Variants in FBXW11 observed in about 807,000 individuals in gnomAD.
FBXW11 encodes the protein F-box/WD repeat-containing protein 11.
Under a neutral mutation model 77.6 loss-of-function variants are expected in FBXW11, and 19 were observed. That is an observed-to-expected ratio of 0.24 (90% CI 0.17 to 0.36). FBXW11 has a LOEUF of 0.36. Among genes scored for constraint, FBXW11 ranks in the 10% least tolerant of loss-of-function variants. The pLI is 1.00. For synonymous variants in FBXW11, 235 were observed against 249.4 expected (o/e 0.94, Z 0.54); for missense variants, 334 against 704.2 (o/e 0.47, Z 5.95).
At chr5:172,003,152 T>C (rs1002813218) in intron 1 of FBXW11, 2 of 152,194 alleles carry the variant, frequency 1.3e-5, no homozygotes, top group Admixed American at 6.5e-5. Flanking sequence ...ATCCATTAAT[T>C]GTGTAAAGGG....
chr5:171,940,446 G>A (rs1419985693), intron 2 of FBXW11, among the ~76,000 whole-genome samples: 2 of 152,082 alleles, frequency 1.3e-5, no homozygotes, highest in Admixed American at 1.3e-4. Flanking sequence ...TTGCCACCCA[G>A]ATCTAATACC....
intron 6 of FBXW11, among the ~76,000 whole-genome samples, chr5:171,898,379 GTCTT>G (rs954190139): frequency 3.5e-4 from 54 of 152,318 alleles, no homozygotes; most frequent in African/African-American, 1.3e-3. Flanking sequence ...GCCTGTGCAT[GTCTT>G]TCCTGGTTCA....
intron 5 of FBXW11, among the ~76,000 whole-genome samples, chr5:171,899,484 C>T (rs1759970962): frequency 6.6e-6 from 1 of 152,210 alleles, no homozygotes; most frequent in Non-Finnish European, 1.5e-5. Flanking sequence ...ATACAGCATA[C>T]AGCTAGCTAT....
At position 172,006,585 on chromosome 5, in the gene FBXW11, G is replaced by A. The variant is rs1766795786; in HGVS notation, c.-83C>T. 4 of 1,403,628 alleles carry A rather than the reference G, an allele frequency of 2.8e-6. No individual in the cohort carries two copies. The highest frequency in any genetic ancestry group is 3.2e-5 in the Admixed American group (1 of 31,336). The allele number at this position is 1,403,628 out of a possible 1,614,324, so 86.9% of individuals were successfully genotyped here. ...AGGAGGCGACGGCGGAGGCGGCAGA[G>A]GCGGAGGCGGCTATCGCACCCACTC... is the stretch of plus-strand genomic sequence containing the variant. On this transcript the variant is annotated 5_prime_UTR_variant, in exon 1 of 14. Transcript: ENST00000517395.
At chr5:172,003,859 T>C (rs1766565773) in intron 1 of FBXW11, among the ~76,000 whole-genome samples, 1 of 152,222 alleles carries the variant, frequency 6.6e-6, no homozygotes, top group Non-Finnish European at 1.5e-5. Flanking sequence ...CCAAGAAGTC[T>C]GTTTCCTCTT....
intron 1 of FBXW11, among the ~76,000 whole-genome samples, chr5:171,998,419 C>T (rs1766199845): frequency 6.7e-6 from 1 of 148,722 alleles, no homozygotes; most frequent in African/African-American, 2.5e-5. Context: ...AAGCGATCTG[C>T]CTACCTTGGC....
At chr5:171,994,810 G>C (rs1765939807) in intron 1 of FBXW11, among the ~76,000 whole-genome samples, 1 of 152,042 alleles carries the variant, frequency 6.6e-6, no homozygotes, top group Non-Finnish European at 1.5e-5. Flanking sequence ...GGCCGAGTCA[G>C]GCAGATTACT....
At chr5:171,914,253 G>T in intron 3 of FBXW11, 90 bp downstream of exon 3, 1 of 1,071,958 alleles carries the variant, frequency 9.3e-7, no homozygotes, top group Non-Finnish European at 1.3e-6. Context: ...CAAAATGCTT[G>T]GCTCTTGATT....
rs1038632081 is a variant in FBXW11 at position 172,006,386 on chromosome 5, G to C, written c.45+72C>G. On this transcript the variant is annotated intron_variant, in intron 1 of 13. Transcript: ENST00000517395. The stretch of plus-strand genomic sequence containing the variant: ...AAGGGCCAGAGCCGGCCTCGCACCG[G>C]ACGTTGAGGTGGGCAGGCCCGCCCG... 108 of 1,364,280 alleles carry C rather than the reference G, an allele frequency of 7.9e-5. 1 individual carries two copies. The East Asian group carries it at 2.9e-3, about 36-fold the overall frequency. The allele number at this position is 1,364,280 out of a possible 1,614,324, so 84.5% of individuals were successfully genotyped here. A position where few individuals can be genotyped will look rare whatever the true frequency, so the allele number is the denominator to read the frequency against.
rs566267125 is a variant in FBXW11, at chr5:171,886,873, G to A, written c.852+4594C>T. Among the ~76,000 whole-genome samples, 41 of 152,194 alleles carry A rather than the reference G, an allele frequency of 2.7e-4. 1 individual carries two copies. In the South Asian group the frequency reaches 8.5e-3, roughly 32 times the overall value. On this transcript the variant is annotated intron_variant, in intron 7 of 13. Coordinates refer to ENST00000517395, the MANE Select transcript of FBXW11 (RefSeq NM_001378974.1). Reference sequence around the variant, plus strand: ...TACTAAAAACACAAAAAATTAGCCAGGCCTGGTGGCAGGCACCTGTAGTCC... The same window carrying A: ...TACTAAAAACACAAAAAATTAGCCAAGCCTGGTGGCAGGCACCTGTAGTCC...
At chr5:171,948,766 T>C (rs947851437) in intron 2 of FBXW11, among the ~76,000 whole-genome samples, 4 of 152,230 alleles carry the variant, frequency 2.6e-5, no homozygotes, top group African/African-American at 9.6e-5. Context: ...TAATGTGTTC[T>C]GAATTCCATT....
At chr5:171,953,806 G>A (rs1763478603) in intron 2 of FBXW11, among the ~76,000 whole-genome samples, 1 of 151,964 alleles carries the variant, frequency 6.6e-6, no homozygotes, top group South Asian at 2.1e-4. Flanking sequence ...CCAAAGCCAG[G>A]GTTCTTTCTA....
At chr5:171,965,522 G>A (rs1764136054) in intron 1 of FBXW11, among the ~76,000 whole-genome samples, 1 of 141,746 alleles carries the variant, frequency 7.1e-6, no homozygotes, top group African/African-American at 2.7e-5. Context: ...TGAGACTCTT[G>A]TCTTTAAAAA....
At chr5:172,006,377 C>A in intron 1 of FBXW11, 81 bp downstream of exon 1, 2 of 1,305,954 alleles carry the variant, frequency 1.5e-6, no homozygotes, top group Non-Finnish European at 2.1e-6. Context: ...CAGAGCCGGC[C>A]TCGCACCGGA....
intron 2 of FBXW11, among the ~76,000 whole-genome samples, chr5:171,944,708 C>A (rs1762923033): frequency 6.6e-6 from 1 of 151,280 alleles, no homozygotes; most frequent in African/African-American, 2.4e-5. Context: ...ATTAATTTTA[C>A]AATCAAAAGA....
intron 6 of FBXW11, among the ~76,000 whole-genome samples, chr5:171,893,660 C>A (rs963959470): frequency 9.9e-5 from 15 of 152,146 alleles, no homozygotes; most frequent in African/African-American, 3.6e-4. Context: ...GGCAGATGTA[C>A]TGGTAACAAG....
chr5:171,968,533 C>G (rs1764353028), intron 1 of FBXW11, among the ~76,000 whole-genome samples: 1 of 151,900 alleles, frequency 6.6e-6, no homozygotes, highest in Admixed American at 6.6e-5. Context: ...ATGCTTCTGG[C>G]TTCTAGATAG....
At chr5:171,997,461 G>C (rs1180466690) in intron 1 of FBXW11, among the ~76,000 whole-genome samples, 2 of 152,210 alleles carry the variant, frequency 1.3e-5, no homozygotes, top group Admixed American at 1.3e-4. Context: ...TGATACGAGA[G>C]GGCTCAAATA....
chr5:171,862,410 T>C lies in FBXW11; in HGVS notation c.*1717A>G, dbSNP rs368005361. 1.8e-5 allele frequency: 2 copies of C among 112,102 alleles called. No homozygotes were observed. Among genetic ancestry groups the C allele is most frequent in the Non-Finnish European group, 3.6e-5 (2 of 55,920 alleles). The allele number at this position is 112,102 out of a possible 1,614,324, so 6.9% of individuals were successfully genotyped here. ...ACACTGATCCCCACACCGTTCTCAA[T>C]GCAAAGGACAAATCAGAGCCCAGGG... is the stretch of plus-strand genomic sequence containing the variant. On this transcript the variant is annotated 3_prime_UTR_variant, in exon 14 of 14. Transcript: ENST00000517395.
Sources: allele counts gnomAD v4.1 joint callset (sites outside exome capture counted in the v4.1 genomes callset), GRCh38; gene constraint gnomAD v4.1.1; transcripts MANE v1.5; gene names NCBI Gene and HGNC (gene_info 2026-07-23, HGNC 2026-07-21).